AVPR2: variants seen among roughly 807,000 people sequenced by gnomAD.
The protein encoded by AVPR2 is vasopressin V2 receptor.
A neutral mutation model predicts 12.0 loss-of-function variants in AVPR2; 3 were observed. The ratio of observed to expected loss-of-function variants is 0.25; its 90% CI spans 0.11 to 0.64. AVPR2 has a LOEUF of 0.64. Among genes scored for constraint, AVPR2 ranks in the 30% least tolerant of loss-of-function variants. The pLI is 0.84. For missense variants in AVPR2, 279 were observed against 347.9 expected (o/e 0.80, Z 1.58); for synonymous variants, 143 against 147.5 (o/e 0.97, Z 0.22).
At position 153,906,528 on chromosome X, in the gene AVPR2, C is replaced by T. The variant is rs782682002; in HGVS notation, c.916C>T (p.Pro306Ser). 4.1e-6 allele frequency: 5 copies of T among 1,206,643 alleles called. No individual in the cohort carries two copies. Among genetic ancestry groups the T allele is most frequent in the Non-Finnish European group, 5.6e-6 (5 of 893,323 alleles). The change falls in exon 4 of 4, where the codon CCC (proline) becomes TCC (serine). Residue 306 changes from proline to serine, a missense_variant. Physicochemically the swap from Pro to Ser is moderately conservative, Grantham distance 74. Transcript: ENST00000646375. ...TAGATCCTCCACCTCCACAGGGGCG[C>T]CCTTTGTGCTACTCATGTTGCTGGC... ...WDPEAPLEGAPFVLLMLLASL... is the reference protein window; with the variant it reads ...WDPEAPLEGASFVLLMLLASL...
chrX:153,906,244 G>A lies in AVPR2; in HGVS notation c.738G>A (p.Gly246=), dbSNP rs782083467. The A allele has an allele frequency of 4.9e-6, 6 of 1,212,270 alleles. No individual in the cohort carries two copies. The highest frequency in any genetic ancestry group is 5.6e-6 in the Non-Finnish European group (5 of 895,567). Residue 246 remains glycine (G), a synonymous_variant, in exon 3 of 4, where the codon GGG becomes GGA. Transcript: ENST00000646375. ...LVPGPSERPG[G]RRRGRRTGSP... ...CAGGGCCATCAGAGAGGCCTGGGGGGCGCCGCAGGGGACGCCGGACAGGCA... is the reference window on the plus strand; with the variant it reads ...CAGGGCCATCAGAGAGGCCTGGGGGACGCCGCAGGGGACGCCGGACAGGCA...
At position 153,905,052 on chromosome X, in the gene AVPR2, T is replaced by C. The variant is rs782358561; in HGVS notation, c.-94T>C. On this transcript the variant is annotated 5_prime_UTR_variant, in exon 2 of 4. Transcript: ENST00000646375. ...GCTGGCATCTCTATAAGGGCTCCAG[T>C]CCAGAGACCCTGGGCCATTGAACTT... 6.9e-6 allele frequency: 8 copies of C among 1,152,523 alleles called. No homozygotes were observed. The South Asian group carries it at 1.3e-4, about 18-fold the overall frequency. The allele number at this position is 1,152,523 out of a possible 1,213,427, so 95.0% of individuals were successfully genotyped here.
Position 153,906,246 on chromosome X carries a change from G to A in AVPR2, c.740G>A (p.Arg247His), listed in dbSNP as rs149668713. 5.1e-4 allele frequency: 611 copies of A among 1,206,443 alleles called. 2 individuals are homozygous for A. The African/African-American group carries it at 7.6e-3, about 15-fold the overall frequency. Residue 247 changes from arginine to histidine, a missense_variant, in exon 3 of 4, where the codon CGC (arginine) becomes CAC (histidine). Transcript: ENST00000646375. ...GGGCCATCAGAGAGGCCTGGGGGGC[G>A]CCGCAGGGGACGCCGGACAGGCAGC... The part of the protein sequence containing the change: ...VPGPSERPGG[R>H]RRGRRTGSPG...
chrX:153,905,809 C>A lies in AVPR2; in HGVS notation c.303C>A (p.Ala101=). Reference sequence around the variant, plus strand: ...TGCTGCCCCAGCTGGCCTGGAAGGCCACCGACCGCTTCCGTGGGCCAGATG... The same window carrying A: ...TGCTGCCCCAGCTGGCCTGGAAGGCAACCGACCGCTTCCGTGGGCCAGATG... The part of the protein sequence containing the change: ...FQVLPQLAWK[A]TDRFRGPDAL... Residue 101 remains alanine (A), a synonymous_variant, in exon 3 of 4, where the codon GCC becomes GCA. Transcript: ENST00000646375. The A allele has an allele frequency of 3.3e-6, 4 of 1,207,521 alleles. No homozygotes were observed. In the East Asian group the frequency reaches 1.2e-4, roughly 36 times the overall value.
At chrX:153,904,336 G>C (rs1450150462), upstream of AVPR2, among the ~76,000 whole-genome samples, 1 of 112,966 alleles carries the variant, frequency 8.9e-6, no homozygotes, top group Non-Finnish European at 1.9e-5. Flanking sequence ...TGGGCCCAGC[G>C]AGGAGCAGGA....
upstream of AVPR2, among the ~76,000 whole-genome samples, chrX:153,903,248 C>T (rs977454299): frequency 1.8e-4 from 20 of 113,222 alleles, no homozygotes; most frequent in African/African-American, 6.1e-4. Context: ...TTGGGGACAG[C>T]ATGAGGATGT....
At position 153,906,075 on chromosome X, in the gene AVPR2, C is replaced by A; in HGVS notation, c.569C>A (p.Thr190Asn). Residue 190 changes from threonine (T) to asparagine (N), a missense_variant, in exon 3 of 4, where the codon ACT becomes AAT. Transcript: ENST00000646375. ...AACGTGGAAGGTGGCAGCGGGGTCA[C>A]TGACTGCTGGGCCTGCTTTGCGGAG... ...QRNVEGGSGV[T>N]DCWACFAEPW... 1 of 1,212,208 alleles carries A rather than the reference C, an allele frequency of 8.2e-7. No homozygotes were observed. Among genetic ancestry groups the A allele is most frequent in the Non-Finnish European group, 1.1e-6 (1 of 895,574 alleles).
In AVPR2 at chrX:153,905,118, C is replaced by A. The variant is rs1411457335; in HGVS notation, c.-28C>A. 1.6e-6 allele frequency: 2 copies of A among 1,212,135 alleles called. No homozygotes were observed. The highest frequency in any genetic ancestry group is 2.2e-6 in the Non-Finnish European group (2 of 895,432). ...GCTGAGTCCGCACATCACCTCCAGG[C>A]CCTCAGAACACCTGCCCCAGCCCCA... On this transcript the variant is annotated 5_prime_UTR_variant, in exon 2 of 4. Transcript: ENST00000646375.
At chrX:153,905,321 C>T (rs1460962558) in intron 2 of AVPR2, 151 bp downstream of exon 2, 20 of 960,127 alleles carry the variant, frequency 2.1e-5, no homozygotes, top group South Asian at 6.3e-5. Context: ...CCCACTTCCC[C>T]GCCAGGGCTG....
upstream of AVPR2, among the ~76,000 whole-genome samples, chrX:153,903,814 T>G (rs1207503920): frequency 4.0e-5 from 4 of 99,112 alleles, no homozygotes; most frequent in African/African-American, 1.5e-4. Flanking sequence ...GCAGCTGCCT[T>G]GGGCTGGGCT....
chrX:153,906,683 C>T lies in AVPR2; in HGVS notation c.1071C>T (p.Ser357=), dbSNP rs1490811969. 3.3e-6 allele frequency: 4 copies of T among 1,210,803 alleles called. No homozygotes were observed. The highest frequency in any genetic ancestry group is 4.5e-6 in the Non-Finnish European group (4 of 895,244). ...TPPSLGPQDE[S]CTTASSSLAK... is the part of the protein sequence containing the mutation. Reference sequence around the variant, plus strand: ...CCAGCCTGGGTCCCCAAGATGAGTCCTGCACCACCGCCAGCTCCTCCCTGG... The same window carrying T: ...CCAGCCTGGGTCCCCAAGATGAGTCTTGCACCACCGCCAGCTCCTCCCTGG... Residue 357 remains serine, a synonymous_variant, in exon 4 of 4, where the codon TCC becomes TCT. Coordinates refer to ENST00000646375, the MANE Select transcript of AVPR2 (RefSeq NM_000054.7).
upstream of AVPR2, among the ~76,000 whole-genome samples, chrX:153,903,553 G>C (rs782026322): frequency 1.7e-3 from 194 of 111,100 alleles, no homozygotes; most frequent in African/African-American, 5.9e-3. Flanking sequence ...ATGGGTGTGT[G>C]GTGGGTGCAT....
In AVPR2 at chrX:153,906,787, C is replaced by T; in HGVS notation, c.*59C>T. ...GAGAAGCTCAGCTGCCTTCCTGGGG[C>T]TGGTCCTGGGAGCCACTGGGAGGGG... On this transcript the variant is annotated 3_prime_UTR_variant, in exon 4 of 4. Coordinates refer to ENST00000646375, the MANE Select transcript of AVPR2 (RefSeq NM_000054.7). The T allele has an allele frequency of 9.0e-7, 1 of 1,110,434 alleles. No individual in the cohort carries two copies. The allele number at this position is 1,110,434 out of a possible 1,213,427, so 91.5% of individuals were successfully genotyped here. A position where few individuals can be genotyped will look rare whatever the true frequency, so the allele number is the denominator to read the frequency against.
At chrX:153,904,629 A>G, upstream of AVPR2, 1 of 135,051 alleles carries the variant, frequency 7.4e-6, no homozygotes, top group Non-Finnish European at 1.5e-5. Context: ...GGCCTGGGGG[A>G]AAGGGGGAGG....
At chrX:153,902,753 G>A (rs138461346), upstream of AVPR2, 2,474 of 328,579 alleles carry the variant, frequency 7.5e-3, 49 homozygotes, top group African/African-American at 0.061. Flanking sequence ...AGGAAGCGAG[G>A]AGTCCAGGGG....
chrX:153,905,005 C>A lies in AVPR2; in HGVS notation c.-141C>A. 1.1e-6 allele frequency: 1 copy of A among 891,528 alleles called. No individual in the cohort carries two copies. Among genetic ancestry groups the A allele is most frequent in the Non-Finnish European group, 1.6e-6 (1 of 606,408 alleles). The allele number at this position is 891,528 out of a possible 1,213,427, so 73.5% of individuals were successfully genotyped here. On this transcript the variant is annotated 5_prime_UTR_variant, in exon 2 of 4. Transcript: ENST00000646375. ...CCATACTGCCACCGACACGTGCACA[C>A]ACGCCAACAGGCATCTGCCATGCTG...
chrX:153,903,052 C>T (rs1049163091), upstream of AVPR2, among the ~76,000 whole-genome samples: 6 of 112,628 alleles, frequency 5.3e-5, no homozygotes, highest in African/African-American at 1.6e-4. Context: ...CAAGAGCTGG[C>T]GTGGCCTGTT....
At position 153,905,813 on chromosome X, in the gene AVPR2, G is replaced by A. The variant is rs2064960372; in HGVS notation, c.307G>A (p.Asp103Asn). ...VLPQLAWKATDRFRGPDALCR... is the reference protein window; with the variant it reads ...VLPQLAWKATNRFRGPDALCR... ...GCCCCAGCTGGCCTGGAAGGCCACC[G>A]ACCGCTTCCGTGGGCCAGATGCCCT... Residue 103 changes from aspartate (D) to asparagine (N), a missense_variant, in exon 3 of 4, where the codon GAC becomes AAC. Transcript: ENST00000646375. The A allele has an allele frequency of 4.1e-6, 5 of 1,206,232 alleles. No homozygotes were observed. Among genetic ancestry groups the A allele is most frequent in the South Asian group, 3.5e-5 (2 of 56,977 alleles).
chrX:153,904,845 G>A, intron 1 of AVPR2, 74 bp downstream of exon 1: 1 of 417,041 alleles, frequency 2.4e-6, no homozygotes, highest in South Asian at 3.4e-5. Flanking sequence ...GGCCTCGGTT[G>A]GGGCAGGGGA....
Sources: allele counts gnomAD v4.1 joint callset (sites outside exome capture counted in the v4.1 genomes callset), GRCh38; gene constraint gnomAD v4.1.1; transcripts MANE v1.5; gene names NCBI Gene and HGNC (gene_info 2026-07-23, HGNC 2026-07-21).